Variants in MYO3B observed in about 807,000 individuals in gnomAD.
MYO3B encodes myosin IIIB.
Under a neutral mutation model 174.6 loss-of-function variants are expected in MYO3B, and 156 were observed. The observed-to-expected ratio is 0.89, with a 90% CI of 0.78 to 1.02. MYO3B has a LOEUF of 1.02. Among genes scored for constraint, MYO3B ranks in the 50% least tolerant of loss-of-function variants. MYO3B has a pLI of 0.00. For missense variants in MYO3B, 1,632 were observed against 1,639.4 expected, an observed-to-expected ratio of 1.00 and a Z score of 0.08; for synonymous variants, 563 against 569.1, an observed-to-expected ratio of 0.99 and a Z score of 0.15.
intron 25 of MYO3B, among the ~76,000 whole-genome samples, chr2:170,482,277 C>T (rs1392213017): frequency 1.3e-5 from 2 of 152,108 alleles, no homozygotes; most frequent in Non-Finnish European, 2.9e-5. Context: ...GCCTCAGCCT[C>T]TCGAGTAGCT....
intron 16 of MYO3B, among the ~76,000 whole-genome samples, chr2:170,394,030 A>AG (rs2094430580): frequency 6.6e-6 from 1 of 152,196 alleles, no homozygotes; most frequent in Non-Finnish European, 1.5e-5. Context: ...CAAAGTACGC[A>AG]GGGGCACATG....
intron 32 of MYO3B, among the ~76,000 whole-genome samples, chr2:170,645,025 A>C (rs148163288): frequency 6.6e-6 from 1 of 152,340 alleles, no homozygotes; most frequent in Non-Finnish European, 1.5e-5. Context: ...TTCATAACAT[A>C]ATATACCTTT....
rs145427228 is a variant in MYO3B at position 170,396,172 on chromosome 2, G to T, written c.1791+3677G>T. On this transcript the variant is annotated intron_variant, in intron 16 of 34. Transcript: ENST00000408978. ...CTGAAAACTGGTAGAAATAAAAAGA[G>T]ACAGCAGCGTAGCAAGATTCTGCAG... 2.6e-5 allele frequency among the ~76,000 whole-genome samples: 4 copies of T among 152,324 alleles called. No individual in the cohort carries two copies. The East Asian group carries it at 7.7e-4, about 29-fold the overall frequency.
At chr2:170,627,272 ACTTCT>A (rs1401793997) in intron 32 of MYO3B, among the ~76,000 whole-genome samples, 1 of 151,630 alleles carries the variant, frequency 6.6e-6, no homozygotes, top group African/African-American at 2.4e-5. Flanking sequence ...TTTTCTCTAA[ACTTCT>A]CTTCTCACTT....
intron 32 of MYO3B, among the ~76,000 whole-genome samples, chr2:170,597,124 C>T (rs1694202296): frequency 2.6e-5 from 4 of 152,098 alleles, no homozygotes; most frequent in Admixed American, 6.5e-5. Context: ...CTCTCTCCCA[C>T]TACGGAGCCA....
intron 32 of MYO3B, among the ~76,000 whole-genome samples, chr2:170,549,275 C>A (rs973382910): frequency 2.0e-5 from 3 of 152,156 alleles, no homozygotes; most frequent in African/African-American, 7.2e-5. Context: ...AGGGAGTATA[C>A]CTTAATCACG....
intron 22 of MYO3B, among the ~76,000 whole-genome samples, chr2:170,419,407 A>G (rs2094601224): frequency 6.6e-6 from 1 of 152,202 alleles, no homozygotes; most frequent in African/African-American, 2.4e-5. Context: ...TCCATGGCTT[A>G]CTAATAAGGA....
chr2:170,389,427 C>G (rs1166393617), intron 14 of MYO3B, among the ~76,000 whole-genome samples: 1 of 152,164 alleles, frequency 6.6e-6, no homozygotes, highest in African/African-American at 2.4e-5. Flanking sequence ...CGCTGACCTG[C>G]CATGGACATG....
intron 26 of MYO3B, 21 bp downstream of exon 26, chr2:170,498,724 C>A: frequency 3.5e-6 from 5 of 1,443,250 alleles, no homozygotes; most frequent in South Asian, 2.3e-5. Flanking sequence ...CTTTATTGTT[C>A]AAATTGTCCC....
At chr2:170,442,873 G>A (rs371790667) in intron 22 of MYO3B, among the ~76,000 whole-genome samples, 3 of 152,152 alleles carry the variant, frequency 2.0e-5, no homozygotes, top group Non-Finnish European at 4.4e-5. Flanking sequence ...CGGTGTATAT[G>A]TGCCACATTT....
intron 30 of MYO3B, chr2:170,524,483 G>C (rs1688877981): frequency 2.2e-6 from 1 of 447,514 alleles, no homozygotes; most frequent in Non-Finnish European, 4.5e-6. Context: ...TGTGCTAAGT[G>C]GTTTTGTTTT....
intron 32 of MYO3B, among the ~76,000 whole-genome samples, chr2:170,589,786 G>A (rs929686455): frequency 1.7e-4 from 26 of 152,146 alleles, no homozygotes; most frequent in Admixed American, 7.9e-4. Flanking sequence ...TAAGTGTATA[G>A]TGTTTATAAA....
chr2:170,195,802 C>G (rs894174528), intron 1 of MYO3B, among the ~76,000 whole-genome samples: 3 of 152,144 alleles, frequency 2.0e-5, no homozygotes, highest in Non-Finnish European at 4.4e-5. Context: ...AGCAGACACA[C>G]AGCCAAACAG....
chr2:170,212,769 G>A (rs1490450216), intron 3 of MYO3B, among the ~76,000 whole-genome samples: 3 of 152,274 alleles, frequency 2.0e-5, no homozygotes, highest in South Asian at 2.1e-4. Flanking sequence ...TGAATTCCCC[G>A]TGGCTCCACC....
At chr2:170,349,907 C>G (rs1413582175) in intron 8 of MYO3B, 1 of 151,612 alleles carries the variant, frequency 6.6e-6, no homozygotes, top group Non-Finnish European at 1.5e-5. Context: ...CTCCAAACGA[C>G]AAACATAATG....
At position 170,288,097 on chromosome 2, in the gene MYO3B, C is replaced by T. The variant is rs533344952; in HGVS notation, c.750-47288C>T. On this transcript the variant is annotated intron_variant, in intron 7 of 34. Coordinates refer to ENST00000408978, the MANE Select transcript of MYO3B (RefSeq NM_138995.5). ...TTTGTCTATGTGTCCATTTTTATGC[C>T]AGTACCGTACTGTTTTGGTTGCTAT... is the stretch of plus-strand genomic sequence containing the variant. Among the ~76,000 whole-genome samples, 7 of 152,128 alleles carry T rather than the reference C, an allele frequency of 4.6e-5. No homozygotes were observed. In the East Asian group the frequency reaches 1.2e-3, roughly 25 times the overall value.
At chr2:170,623,448 A>C (rs1696112297) in intron 32 of MYO3B, among the ~76,000 whole-genome samples, 1 of 151,970 alleles carries the variant, frequency 6.6e-6, no homozygotes, top group South Asian at 2.1e-4. Flanking sequence ...AATTTGTTTG[A>C]GTTCTTTGTC....
At chr2:170,605,937 C>T (rs1224531659) in intron 32 of MYO3B, among the ~76,000 whole-genome samples, 1 of 152,114 alleles carries the variant, frequency 6.6e-6, no homozygotes, top group African/African-American at 2.4e-5. Flanking sequence ...GGTCTCCTTT[C>T]CCTCATTTTC....
chr2:170,255,073 TG>T (rs772447939), intron 7 of MYO3B, among the ~76,000 whole-genome samples: 14 of 152,318 alleles, frequency 9.2e-5, no homozygotes, highest in Admixed American at 3.9e-4. Context: ...CTGCTCTGCC[TG>T]GGGATCCTAC....
Sources: allele counts gnomAD v4.1 joint callset (sites outside exome capture counted in the v4.1 genomes callset), GRCh38; gene constraint gnomAD v4.1.1; transcripts MANE v1.5; gene names NCBI Gene and HGNC (gene_info 2026-07-23, HGNC 2026-07-21).